The following GRM5 variants were observed in gnomAD, a reference collection of about 807,000 sequenced individuals.
The protein encoded by GRM5 is metabotropic glutamate receptor 5.
A neutral mutation model predicts 83.1 loss-of-function variants in GRM5; 19 were observed. That is an observed-to-expected ratio of 0.23 (90% CI 0.16 to 0.34). The LOEUF is 0.34. Among genes scored for constraint, GRM5 ranks in the 10% least tolerant of loss-of-function variants. The pLI, the probability that GRM5 is intolerant of heterozygous loss-of-function variation, is 1.00. For missense variants in GRM5, 1,160 were observed against 1,588.3 expected (o/e 0.73, Z 4.58); for synonymous variants, 675 against 633.6 (o/e 1.07, Z -0.98).
At chr11:88,849,412 A>T (rs1475289360) in intron 3 of GRM5, among the ~76,000 whole-genome samples, 1 of 152,146 alleles carries the variant, frequency 6.6e-6, no homozygotes, top group East Asian at 1.9e-4. Flanking sequence ...TCTAGAAACA[A>T]TGTAGGTCAC....
chr11:89,012,649 A>G (rs1291441626), intron 2 of GRM5, among the ~76,000 whole-genome samples: 2 of 152,224 alleles, frequency 1.3e-5, no homozygotes, highest in African/African-American at 2.4e-5. Flanking sequence ...TAATACGAAG[A>G]AGAAGTAAAT....
chr11:88,705,412 T>G (rs947197295), intron 3 of GRM5, among the ~76,000 whole-genome samples: 1 of 152,064 alleles, frequency 6.6e-6, no homozygotes, highest in Admixed American at 6.6e-5. Context: ...TAGGATTCAG[T>G]CACCTCTAAA....
intron 8 of GRM5, among the ~76,000 whole-genome samples, chr11:88,556,667 A>G (rs1047284827): frequency 6.6e-6 from 1 of 152,088 alleles, no homozygotes; most frequent in African/African-American, 2.4e-5. Flanking sequence ...CTTTGAGCAC[A>G]ATACAGAGTG....
chr11:88,590,479 A>G (rs1322056009), intron 7 of GRM5, 122 bp downstream of exon 7: 4 of 748,264 alleles, frequency 5.3e-6, no homozygotes, highest in African/African-American at 1.8e-5. Context: ...GTTCCCAAGG[A>G]AATTATTTGT....
chr11:88,769,064 T>C (rs1034327666), intron 3 of GRM5, among the ~76,000 whole-genome samples: 6 of 152,072 alleles, frequency 3.9e-5, no homozygotes, highest in African/African-American at 1.4e-4. Flanking sequence ...TGTTAAGTAC[T>C]GCGCTCTAGT....
intron 3 of GRM5, among the ~76,000 whole-genome samples, chr11:88,809,663 T>C (rs12361178): frequency 0.017 from 2,536 of 151,960 alleles, 44 homozygotes; most frequent in East Asian, 0.068. Flanking sequence ...TAAAATAATA[T>C]ATGTACTTTG....
intron 3 of GRM5, among the ~76,000 whole-genome samples, chr11:88,740,956 G>A (rs79009136): frequency 6.6e-6 from 1 of 152,030 alleles, no homozygotes; most frequent in Non-Finnish European, 1.5e-5. Flanking sequence ...TAGCCCAAAT[G>A]GGATCTGTTG....
At chr11:88,777,364 C>T (rs954868833) in intron 3 of GRM5, among the ~76,000 whole-genome samples, 8 of 152,140 alleles carry the variant, frequency 5.3e-5, no homozygotes, top group African/African-American at 1.9e-4. Flanking sequence ...TTTTTAGCTT[C>T]CTTGCAGTGG....
At chr11:88,563,787 A>G (rs112726211) in intron 8 of GRM5, among the ~76,000 whole-genome samples, 187 of 152,348 alleles carry the variant, frequency 1.2e-3, no homozygotes, top group African/African-American at 4.3e-3. Context: ...CCATTAGTTA[A>G]GCTGAAGTGC....
intron 6 of GRM5, among the ~76,000 whole-genome samples, chr11:88,593,350 A>G (rs756246141): frequency 1.3e-5 from 2 of 152,114 alleles, no homozygotes; most frequent in Non-Finnish European, 2.9e-5. Context: ...AAAAAGGACT[A>G]AGCAAATATT....
intron 9 of GRM5, among the ~76,000 whole-genome samples, chr11:88,520,601 C>A (rs58637704): frequency 0.02 from 3,095 of 152,220 alleles, 105 homozygotes; most frequent in African/African-American, 0.071. Flanking sequence ...TCTCAATACA[C>A]TGCAGATTTT....
chr11:88,588,530 C>A (rs1045188139), intron 7 of GRM5, among the ~76,000 whole-genome samples: 5 of 152,140 alleles, frequency 3.3e-5, no homozygotes, highest in Admixed American at 3.3e-4. Flanking sequence ...AACACCTCTT[C>A]TGACACTGTT....
At chr11:88,649,565 G>A (rs564965010) in intron 4 of GRM5, among the ~76,000 whole-genome samples, 24 of 146,810 alleles carry the variant, frequency 1.6e-4, no homozygotes, top group Admixed American at 2.8e-4. Flanking sequence ...TATTGACACC[G>A]GGGAAACACA....
chr11:88,960,834 C>T (rs1385336199), intron 2 of GRM5, among the ~76,000 whole-genome samples: 3 of 152,084 alleles, frequency 2.0e-5, no homozygotes, highest in Non-Finnish European at 4.4e-5. Flanking sequence ...TTAGTATAAA[C>T]AGTAAGCCAA....
intron 3 of GRM5, among the ~76,000 whole-genome samples, chr11:88,710,972 G>A (rs558523364): frequency 6.6e-6 from 1 of 152,190 alleles, no homozygotes; most frequent in South Asian, 2.1e-4. Flanking sequence ...TCCCTGGAGG[G>A]AATAGATGGG....
intron 9 of GRM5, among the ~76,000 whole-genome samples, chr11:88,517,466 T>A (rs1941553496): frequency 6.6e-6 from 1 of 152,150 alleles, no homozygotes; most frequent in African/African-American, 2.4e-5. Flanking sequence ...AACATTTGTG[T>A]TGAAGAATCA....
intron 3 of GRM5, among the ~76,000 whole-genome samples, chr11:88,716,924 G>C (rs1171053106): frequency 6.6e-6 from 1 of 151,930 alleles, no homozygotes; most frequent in Non-Finnish European, 1.5e-5. Flanking sequence ...ATGCCCCACT[G>C]TTTTATTTGG....
chr11:88,876,786 A>T (rs1478946988), intron 2 of GRM5, among the ~76,000 whole-genome samples: 1 of 152,070 alleles, frequency 6.6e-6, no homozygotes, highest in African/African-American at 2.4e-5. Flanking sequence ...ACAAACGTTT[A>T]TTGATTAAGT....
chr11:88,739,971 G>T (rs1591479922), intron 3 of GRM5, among the ~76,000 whole-genome samples: 1 of 152,078 alleles, frequency 6.6e-6, no homozygotes, highest in African/African-American at 2.4e-5. Flanking sequence ...GAACACAACA[G>T]AAGTTATTTT....
Sources: allele counts gnomAD v4.1 joint callset (sites outside exome capture counted in the v4.1 genomes callset), GRCh38; gene constraint gnomAD v4.1.1; transcripts MANE v1.5; gene names NCBI Gene and HGNC (gene_info 2026-07-23, HGNC 2026-07-21).